The following ACACA variants were observed in gnomAD, a reference collection of about 807,000 sequenced individuals.
ACACA encodes the protein acetyl-CoA carboxylase alpha, also known as acetyl-CoA carboxylase 1.
In ACACA, 103 loss-of-function variants were observed where a neutral mutation model predicts 296.1. The ratio of observed to expected loss-of-function variants is 0.35; its 90% CI spans 0.30 to 0.41. The LOEUF (loss-of-function observed/expected upper bound fraction) is 0.41. Ranked by LOEUF, ACACA falls within the 10% of genes least tolerant of loss-of-function variation. The probability of loss-of-function intolerance (pLI) is 1.00; values close to 1 mark genes in which losing one functional copy is unlikely to be tolerated. For missense variants in ACACA, 1,554 were observed against 2,989.7 expected (o/e 0.52, Z 11.20); for synonymous variants, 953 against 1,038.6 (o/e 0.92, Z 1.58).
chr17:37,308,034 A>T (rs2083962656), intron 3 of ACACA, among the ~76,000 whole-genome samples: 1 of 152,200 alleles, frequency 6.6e-6, no homozygotes, highest in African/African-American at 2.4e-5. Flanking sequence ...CAACATATAC[A>T]TTCATTGCAA....
intron 3 of ACACA, among the ~76,000 whole-genome samples, chr17:37,304,780 A>C (rs1034446769): frequency 1.6e-4 from 23 of 143,536 alleles, no homozygotes; most frequent in Non-Finnish European, 3.1e-4. Flanking sequence ...CAAGAGCGAA[A>C]CTCTGTCTCA....
chr17:37,200,469 A>C lies in ACACA; in HGVS notation c.4071T>G (p.Val1357=). The C allele has an allele frequency of 6.2e-7, 1 of 1,613,256 alleles. No individual in the cohort carries two copies. The highest frequency in any genetic ancestry group is 8.5e-7 in the Non-Finnish European group (1 of 1,179,200). ...AAGTAAGGCGCCGGATCCCATGGTC[A>C]ACCAGGGTAGCTTTCTAGGAGCAAA... ...EFTQQNKATL[V]DHGIRRLTFL... The change falls in exon 34 of 56, where the codon GTT becomes GTG. Residue 1357 remains valine (V), a synonymous_variant. Transcript: ENST00000616317.
intron 44 of ACACA, among the ~76,000 whole-genome samples, chr17:37,150,830 G>C (rs1418181781): frequency 1.3e-5 from 2 of 151,604 alleles, no homozygotes; most frequent in Admixed American, 6.6e-5. Flanking sequence ...GAGGCGGGTG[G>C]ATCACGAGGT....
chr17:37,307,682 G>A (rs1262123452), intron 3 of ACACA, among the ~76,000 whole-genome samples: 1 of 152,004 alleles, frequency 6.6e-6, no homozygotes, highest in Non-Finnish European at 1.5e-5. Context: ...CACCTCCTAG[G>A]TTCAAGTGGT....
chr17:37,358,737 A>C (rs1321713388), intron 1 of ACACA, among the ~76,000 whole-genome samples: 1 of 152,012 alleles, frequency 6.6e-6, no homozygotes, highest in African/African-American at 2.4e-5. Flanking sequence ...GGAGCCCTGA[A>C]CTGTACGCCT....
intron 3 of ACACA, among the ~76,000 whole-genome samples, chr17:37,295,280 A>AAG (rs747344705): frequency 2.2e-4 from 33 of 152,180 alleles, no homozygotes; most frequent in South Asian, 8.3e-4. Flanking sequence ...TGGAAAGGAA[A>AAG]AGAGAGAGAG....
chr17:37,371,642 G>C (rs569255520), intron 1 of ACACA, among the ~76,000 whole-genome samples: 43 of 152,136 alleles, frequency 2.8e-4, no homozygotes, highest in Admixed American at 6.6e-5. Context: ...GCTCACGCCT[G>C]TAATCCCAGC....
At chr17:37,216,115 TA>T (rs2078970508) in intron 29 of ACACA, among the ~76,000 whole-genome samples, 1 of 103,908 alleles carries the variant, frequency 9.6e-6, no homozygotes, top group Non-Finnish European at 1.9e-5. Flanking sequence ...GCTAAGAAGG[TA>T]AAAAAGGAAA....
At chr17:37,200,527 A>G in intron 33 of ACACA, 44 bp from the exon 34 acceptor site, 1 of 1,538,284 alleles carries the variant, frequency 6.5e-7, no homozygotes, top group Non-Finnish European at 9.0e-7. Flanking sequence ...TGAGATTTCC[A>G]TTCATTCTAA....
intron 8 of ACACA, among the ~76,000 whole-genome samples, chr17:37,275,191 T>TG (rs2082226362): frequency 6.6e-6 from 1 of 152,130 alleles, no homozygotes; most frequent in African/African-American, 2.4e-5. Context: ...CAATAGATTG[T>TG]GGGTTGATAT....
At chr17:37,153,156 C>T (rs2076108706) in intron 43 of ACACA, among the ~76,000 whole-genome samples, 1 of 152,154 alleles carries the variant, frequency 6.6e-6, no homozygotes. Flanking sequence ...AAGGACCCAG[C>T]CAGACTTGCC....
At chr17:37,089,097 C>A in intron 54 of ACACA, 23 bp from the exon 55 acceptor site, 1 of 1,614,102 alleles carries the variant, frequency 6.2e-7, no homozygotes, top group Non-Finnish European at 8.5e-7. Context: ...GACTCTTGGT[C>A]AAACACCAGG....
intron 3 of ACACA, among the ~76,000 whole-genome samples, chr17:37,287,137 G>T (rs149929561): frequency 6.6e-6 from 1 of 152,268 alleles, no homozygotes; most frequent in African/African-American, 2.4e-5. Context: ...CCGTTTGATA[G>T]ACAGCTGTTT....
intron 1 of ACACA, among the ~76,000 whole-genome samples, chr17:37,362,817 CGCAAAAAATTAGCCAGATGTGGT>C (rs1462535556): frequency 1.3e-5 from 2 of 151,886 alleles, no homozygotes; most frequent in East Asian, 3.9e-4. Flanking sequence ...CTACTAAAAA[CGCAAAAAATTAGCCAGATGTGGT>C]GGCGGGCGCC....
At chr17:37,111,782 C>T (rs1261080938) in intron 51 of ACACA, 139 bp from the exon 52 acceptor site, 3 of 712,238 alleles carry the variant, frequency 4.2e-6, no homozygotes, top group Non-Finnish European at 7.5e-6. Flanking sequence ...TAACAGACAT[C>T]TCCCCGGGGA....
intron 1 of ACACA, among the ~76,000 whole-genome samples, chr17:37,403,560 C>T (rs887148816): frequency 6.6e-6 from 1 of 150,610 alleles, no homozygotes; most frequent in East Asian, 2.0e-4. Flanking sequence ...TTTGTAGAGA[C>T]GAAGTTTCAC....
intron 1 of ACACA, among the ~76,000 whole-genome samples, chr17:37,371,356 G>A (rs539351426): frequency 2.6e-5 from 4 of 151,872 alleles, no homozygotes; most frequent in Non-Finnish European, 4.4e-5. Context: ...TGGGATACAC[G>A]CATGAGCCAC....
At chr17:37,196,425 G>A (rs1056185975) in intron 35 of ACACA, among the ~76,000 whole-genome samples, 24 of 151,864 alleles carry the variant, frequency 1.6e-4, no homozygotes, top group African/African-American at 5.1e-4. Context: ...ACTCTCTCTC[G>A]GGAGATATGT....
chr17:37,299,631 G>C (rs534296192), intron 3 of ACACA: 3 of 1,162,942 alleles, frequency 2.6e-6, no homozygotes, highest in Non-Finnish European at 3.2e-6. Context: ...GAGAGGAGCC[G>C]GGGAGAAATA....
Sources: gnomAD v4.1 joint callset for allele counts (sites outside exome capture counted in the v4.1 genomes callset) on GRCh38, gnomAD v4.1.1 for gene constraint, MANE v1.5 for transcripts, NCBI Gene and HGNC (gene_info 2026-07-23, HGNC 2026-07-21) for gene names.